Variants in ATF7IP2 observed in about 807,000 individuals in gnomAD.
ATF7IP2 encodes the protein activating transcription factor 7 interacting protein 2, also known as activating transcription factor 7-interacting protein 2.
ATF7IP2 carries 42 observed loss-of-function variants against 64.2 expected under a neutral mutation model. The ratio of observed to expected loss-of-function variants is 0.65; its 90% confidence interval spans 0.51 to 0.85. ATF7IP2 has a LOEUF of 0.85. Among genes scored for constraint, ATF7IP2 ranks in the 40% least tolerant of loss-of-function variants. ATF7IP2 has a pLI of 0.00. For synonymous variants in ATF7IP2, 308 were observed against 272.8 expected (o/e 1.13, Z -1.27); for missense variants, 933 against 784.2 (o/e 1.19, Z -2.27).
chr16:10,387,270 A>G (rs757352831), intron 1 of ATF7IP2: 14 of 152,226 alleles, frequency 9.2e-5, no homozygotes, highest in Non-Finnish European at 1.3e-4. Flanking sequence ...GACTAATAAC[A>G]CTGAATTCAG....
chr16:10,395,500 G>A (rs766667338), intron 1 of ATF7IP2, among the ~76,000 whole-genome samples: 17 of 152,158 alleles, frequency 1.1e-4, no homozygotes, highest in Admixed American at 8.5e-4. Flanking sequence ...AAAGAAAACT[G>A]CAGAACGATG....
Position 10,472,115 on chromosome 16 carries a change from A to G in ATF7IP2, c.1358A>G (p.Asn453Ser), listed in dbSNP as rs771900989. ...ATTTCTTTTTATCATTTTAGTAACA[A>G]TGATGATGTTATGTTGATTTCTGTG... Reference protein sequence around the residue: ...DQNKSVSESNNDDVMLISVES... With the variant: ...DQNKSVSESNSDDVMLISVES... The change falls in exon 10 of 14, where the codon AAT (asparagine) becomes AGT (serine). Residue 453 changes from asparagine to serine, a missense_variant. Transcript: ENST00000562102. 36 of 1,535,124 alleles carry G rather than the reference A, an allele frequency of 2.3e-5. No homozygotes were observed. Among genetic ancestry groups the G allele is most frequent in the Non-Finnish European group, 3.1e-5 (35 of 1,124,506 alleles).
chr16:10,473,525 T>C lies in ATF7IP2; in HGVS notation c.1473T>C (p.Ala491=), dbSNP rs1402598638. The change falls in exon 11 of 14, where the codon GCT becomes GCC. Residue 491 remains alanine (A), a synonymous_variant. Transcript: ENST00000562102. ...TSGNSSNSPN[A]EVMAVQKKLD... is the part of the protein sequence containing the mutation. Reference sequence around the variant, plus strand: ...GAAATTCTAGCAATTCTCCCAATGCTGAAGTTATGGTGAGTAATAAATATT... The same window carrying C: ...GAAATTCTAGCAATTCTCCCAATGCCGAAGTTATGGTGAGTAATAAATATT... 5.1e-6 allele frequency: 8 copies of C among 1,565,974 alleles called. No homozygotes were observed. The highest frequency in any genetic ancestry group is 2.3e-5 in the East Asian group (1 of 44,052).
chr16:10,472,620 C>T (rs911547757), intron 10 of ATF7IP2, among the ~76,000 whole-genome samples: 4 of 152,066 alleles, frequency 2.6e-5, no homozygotes, highest in African/African-American at 9.7e-5. Context: ...CTTTGGGAGG[C>T]TGAGGCAGGC....
chr16:10,444,711 TC>T (rs2048744650), intron 8 of ATF7IP2, among the ~76,000 whole-genome samples: 1 of 152,228 alleles, frequency 6.6e-6, no homozygotes, highest in Admixed American at 6.5e-5. Flanking sequence ...TTCATTTTTT[TC>T]TACCTTCCTT....
intron 3 of ATF7IP2, among the ~76,000 whole-genome samples, chr16:10,426,164 T>C (rs2048082245): frequency 6.6e-6 from 1 of 152,196 alleles, no homozygotes; most frequent in Non-Finnish European, 1.5e-5. Flanking sequence ...AAAATGTAAT[T>C]TCATCTTTTG....
chr16:10,423,260 AT>A (rs2048022101), intron 3 of ATF7IP2, among the ~76,000 whole-genome samples: 1 of 152,132 alleles, frequency 6.6e-6, no homozygotes, highest in Non-Finnish European at 1.5e-5. Context: ...AAATAAATAA[AT>A]AAATTTATTT....
At chr16:10,443,964 T>TAA (rs1425238504) in intron 8 of ATF7IP2, among the ~76,000 whole-genome samples, 2 of 152,128 alleles carry the variant, frequency 1.3e-5, no homozygotes, top group African/African-American at 4.8e-5. Context: ...AGTGGTCCAA[T>TAA]AAACACGTTC....
At chr16:10,458,154 A>G (rs751133761) in intron 9 of ATF7IP2, among the ~76,000 whole-genome samples, 2 of 152,246 alleles carry the variant, frequency 1.3e-5, no homozygotes, top group Non-Finnish European at 2.9e-5. Flanking sequence ...AGCATTACAG[A>G]TCTAAACCAT....
intron 1 of ATF7IP2, among the ~76,000 whole-genome samples, chr16:10,392,846 G>A (rs1185635290): frequency 2.0e-5 from 3 of 151,498 alleles, no homozygotes; most frequent in African/African-American, 4.9e-5. Context: ...AAATTAGCTG[G>A]GTGTGATGGG....
intron 8 of ATF7IP2, among the ~76,000 whole-genome samples, chr16:10,455,973 A>ATTTTCTTT: frequency 3.5e-5 from 2 of 57,704 alleles, no homozygotes; most frequent in African/African-American, 1.6e-4. Context: ...GACTTATGAG[A>ATTTTCTTT]TTTTATTTCT....
chr16:10,475,946 T>G (rs1262794857), intron 12 of ATF7IP2, among the ~76,000 whole-genome samples: 1 of 152,182 alleles, frequency 6.6e-6, no homozygotes, highest in Non-Finnish European at 1.5e-5. Flanking sequence ...GGAATGAAAG[T>G]CCTGTTTTGT....
At chr16:10,436,769 A>G (rs991657285) in intron 6 of ATF7IP2, among the ~76,000 whole-genome samples, 4 of 152,194 alleles carry the variant, frequency 2.6e-5, no homozygotes, top group African/African-American at 9.7e-5. Context: ...CTGTGGTGAA[A>G]ATTGCTTACC....
intron 12 of ATF7IP2, among the ~76,000 whole-genome samples, chr16:10,480,610 G>C (rs755311391): frequency 1.0e-4 from 15 of 150,482 alleles, no homozygotes; most frequent in Non-Finnish European, 2.2e-4. Context: ...ATTTATCAGA[G>C]ATCTCTGTCC....
At chr16:10,416,440 G>A (rs1396971306) in intron 2 of ATF7IP2, among the ~76,000 whole-genome samples, 1 of 152,140 alleles carries the variant, frequency 6.6e-6, no homozygotes, top group East Asian at 1.9e-4. Context: ...GGTTACCATA[G>A]GCTGGGAAAG....
At chr16:10,467,627 G>T (rs770171492) in intron 9 of ATF7IP2, among the ~76,000 whole-genome samples, 29 of 150,506 alleles carry the variant, frequency 1.9e-4, no homozygotes, top group Non-Finnish European at 3.2e-4. Context: ...GGAGTGCAGT[G>T]GTGTATCTTG....
intron 2 of ATF7IP2, among the ~76,000 whole-genome samples, chr16:10,418,699 A>G (rs936160902): frequency 1.3e-5 from 2 of 152,208 alleles, no homozygotes; most frequent in Non-Finnish European, 1.5e-5. Context: ...TTAATTTTGC[A>G]ATGTCCAACG....
At chr16:10,471,893 AATT>A (rs1348575109) in intron 9 of ATF7IP2, 9 of 353,072 alleles carry the variant, frequency 2.5e-5, no homozygotes, top group Non-Finnish European at 3.6e-5. Context: ...GTAGGGATCT[AATT>A]ATTGGATTTT....
chr16:10,436,186 A>T (rs1276529019), intron 6 of ATF7IP2, among the ~76,000 whole-genome samples: 1 of 152,100 alleles, frequency 6.6e-6, no homozygotes, highest in Non-Finnish European at 1.5e-5. Context: ...CAATGGTGAA[A>T]CCCTGTCTCG....
Sources: allele counts gnomAD v4.1 joint callset (sites outside exome capture counted in the v4.1 genomes callset), GRCh38; gene constraint gnomAD v4.1.1; transcripts MANE v1.5; gene names NCBI Gene and HGNC (gene_info 2026-07-23, HGNC 2026-07-21).